PCDHA8: variants seen among roughly 807,000 people sequenced by gnomAD.
The protein encoded by PCDHA8 is protocadherin alpha 8, also known as protocadherin alpha-8.
A neutral mutation model predicts 61.8 loss-of-function variants in PCDHA8; 53 were observed. The ratio of observed to expected loss-of-function variants is 0.86; its 90% CI spans 0.69 to 1.08. The LOEUF (loss-of-function observed/expected upper bound fraction) is 1.08, where lower values mean the gene tolerates loss of function less well. PCDHA8 is among the 50% of genes least tolerant of loss of function. The probability of loss-of-function intolerance (pLI) is 0.00; values close to 1 mark genes in which losing one functional copy is unlikely to be tolerated. For missense variants in PCDHA8, 1,293 were observed against 1,245.0 expected, an observed-to-expected ratio of 1.04 and a Z score of -0.58; for synonymous variants, 618 against 556.6, an observed-to-expected ratio of 1.11 and a Z score of -1.55.
intron 1 of PCDHA8, chr5:140,868,781 A>G (rs868977486): frequency 3.0e-5 from 9 of 299,116 alleles, no homozygotes; most frequent in African/African-American, 1.5e-4. Flanking sequence ...ATGACTTATA[A>G]TCTGAATATT....
chr5:140,848,247 T>C (rs1581144938), intron 1 of PCDHA8: 2 of 456,006 alleles, frequency 4.4e-6, no homozygotes, highest in East Asian at 3.3e-5. Flanking sequence ...TTTTGCAGAA[T>C]AACTGTGAAA....
chr5:140,991,445 A>G (rs1352709310), intron 3 of PCDHA8, among the ~76,000 whole-genome samples: 1 of 152,222 alleles, frequency 6.6e-6, no homozygotes, highest in African/African-American at 2.4e-5. Flanking sequence ...CATGGCTTAA[A>G]ACAACACAAT....
intron 1 of PCDHA8, among the ~76,000 whole-genome samples, chr5:140,970,923 C>T (rs1009753173): frequency 1.3e-5 from 2 of 152,032 alleles, no homozygotes; most frequent in African/African-American, 4.8e-5. Flanking sequence ...ATCAGAAGTG[C>T]CTGGTGTTAG....
chr5:140,953,476 G>A (rs1554220931), intron 1 of PCDHA8, among the ~76,000 whole-genome samples: 2 of 152,088 alleles, frequency 1.3e-5, no homozygotes. Flanking sequence ...ACTTCCTCAT[G>A]CTGTGTCACA....
At chr5:140,980,585 G>A (rs1181393743) in intron 2 of PCDHA8, among the ~76,000 whole-genome samples, 2 of 151,902 alleles carry the variant, frequency 1.3e-5, no homozygotes, top group African/African-American at 2.4e-5. Flanking sequence ...AGCCAAGATC[G>A]AGCCACTGCA....
At chr5:140,882,424 G>C in intron 1 of PCDHA8, 1 of 1,614,114 alleles carries the variant, frequency 6.2e-7, no homozygotes, top group Non-Finnish European at 8.5e-7. Context: ...CTCAGGACCT[G>C]GGGCTGGAGC....
intron 1 of PCDHA8, among the ~76,000 whole-genome samples, chr5:140,933,676 A>AT (rs1400784175): frequency 6.6e-6 from 1 of 151,552 alleles, no homozygotes; most frequent in Non-Finnish European, 1.5e-5. Context: ...TCTCTCTCAC[A>AT]TTTTTTTTCC....
At chr5:140,843,925 C>T in intron 1 of PCDHA8, 4 of 594,474 alleles carry the variant, frequency 6.7e-6, no homozygotes, top group Non-Finnish European at 8.8e-6. Context: ...TCTTGAAACT[C>T]AAGTTATGGT....
intron 3 of PCDHA8, among the ~76,000 whole-genome samples, chr5:141,006,017 G>A (rs139294218): frequency 1.3e-5 from 2 of 151,190 alleles, no homozygotes; most frequent in African/African-American, 4.8e-5. Context: ...TATGGTTGGA[G>A]TATAATAGTA....
Position 140,871,175 on chromosome 5 carries a change from C to A in PCDHA8, c.2394+27460C>A, listed in dbSNP as rs782460096. On this transcript the variant is annotated intron_variant, in intron 1 of 3. Coordinates refer to ENST00000531613, the MANE Select transcript of PCDHA8 (RefSeq NM_018911.3). The stretch of plus-strand genomic sequence containing the variant: ...GCGGGCGCCGCGAGCCCAGAGGCTG[C>A]GCTGGTGGATGTCAACGTGTACCTG... 1.4e-5 allele frequency: 22 copies of A among 1,613,402 alleles called. No individual in the cohort carries two copies. The highest frequency in any genetic ancestry group is 2.2e-5 in the South Asian group (2 of 91,092).
rs2150396566 is a variant in PCDHA8, at chr5:140,846,990, G to A, written c.2394+3275G>A. 7.1e-4 allele frequency among the ~76,000 whole-genome samples: 106 copies of A among 149,506 alleles called. 4 individuals are homozygous for A. In the South Asian group the frequency reaches 0.022, roughly 31 times the overall value. On this transcript the variant is annotated intron_variant, in intron 1 of 3. Coordinates refer to ENST00000531613, the MANE Select transcript of PCDHA8 (RefSeq NM_018911.3). The stretch of plus-strand genomic sequence containing the variant: ...GTTTTAAAATAAGTAAGTTCCCCCC[G>A]GGAGAATATTGAGAATGATAGACAT...
chr5:140,983,387 G>T (rs1417783796), intron 3 of PCDHA8, among the ~76,000 whole-genome samples: 1 of 152,188 alleles, frequency 6.6e-6, no homozygotes, highest in Non-Finnish European at 1.5e-5. Flanking sequence ...CGCTGTGGCA[G>T]TTTTCAGAAA....
chr5:140,878,517 G>T (rs2153361711), intron 1 of PCDHA8, among the ~76,000 whole-genome samples: 1 of 152,246 alleles, frequency 6.6e-6, no homozygotes, highest in African/African-American at 2.4e-5. Context: ...AGTACAGTTG[G>T]TAACCAACTG....
rs782242128 is a variant in PCDHA8 at position 140,928,580 on chromosome 5, GT to G, written c.2395-50367del. 100 of 1,614,112 alleles carry G rather than the reference GT, an allele frequency of 6.2e-5. 1 individual carries two copies. The East Asian group carries it at 2.2e-3, about 36-fold the overall frequency. ...ATCTTGTTTCCCTTGCCCAGAAATG[GT>G]TCTGTCCCAGTGGAAATTGTGCCCC... On this transcript the variant is annotated intron_variant, in intron 1 of 3. Transcript: ENST00000531613.
In PCDHA8 at chr5:140,849,950, G is replaced by A. The variant is rs2150459734; in HGVS notation, c.2394+6235G>A. The A allele has an allele frequency of 1.4e-5, 22 of 1,598,026 alleles. 5 individuals carry two copies. In the African/African-American group the frequency reaches 2.5e-4, roughly 19 times the overall value. ...TGTCTGCGCGGGACGCTGACGCGCA[G>A]GAGAACGCCCTGGTGTCCTACTCGC... On this transcript the variant is annotated intron_variant, in intron 1 of 3. Transcript: ENST00000531613.
In PCDHA8 at chr5:140,877,117, G is replaced by A. The variant is rs781979355; in HGVS notation, c.2394+33402G>A. The A allele has an allele frequency of 9.3e-6, 15 of 1,613,720 alleles. No homozygotes were observed. The East Asian group carries it at 1.8e-4, about 19-fold the overall frequency. ...CGGCGTGCCGCCTCTGGGCAGCAAC[G>A]TGACGCTGCAGGTGTTCGTGCTGGA... On this transcript the variant is annotated intron_variant, in intron 1 of 3. Coordinates refer to ENST00000531613, the MANE Select transcript of PCDHA8 (RefSeq NM_018911.3).
At chr5:140,882,767 G>GC in intron 1 of PCDHA8, 1 of 1,614,176 alleles carries the variant, frequency 6.2e-7, no homozygotes, top group Non-Finnish European at 8.5e-7. Context: ...AGTAAACTCG[G>GC]CATTGACCTA....
chr5:140,888,994 T>A (rs1486471421), intron 1 of PCDHA8, among the ~76,000 whole-genome samples: 5 of 152,154 alleles, frequency 3.3e-5, no homozygotes, highest in African/African-American at 1.2e-4. Flanking sequence ...TATGATTTTC[T>A]TATGGCAAAC....
At position 140,871,935 on chromosome 5, in the gene PCDHA8, T is replaced by C. The variant is rs373740331; in HGVS notation, c.2394+28220T>C. The stretch of plus-strand genomic sequence containing the variant: ...GATATTTCCACATTGTTAGATCAAC[T>C]GGCTTTGTTTTTCTAAAGGGAGGAG... On this transcript the variant is annotated intron_variant, in intron 1 of 3. Coordinates refer to ENST00000531613, the MANE Select transcript of PCDHA8 (RefSeq NM_018911.3). Among the ~76,000 whole-genome samples, 4 of 152,380 alleles carry C rather than the reference T, an allele frequency of 2.6e-5. No individual in the cohort carries two copies. The East Asian group carries it at 7.7e-4, about 29-fold the overall frequency.
Sources: allele counts gnomAD v4.1 joint callset (sites outside exome capture counted in the v4.1 genomes callset), GRCh38; gene constraint gnomAD v4.1.1; transcripts MANE v1.5; gene names NCBI Gene and HGNC (gene_info 2026-07-23, HGNC 2026-07-21).